CPZ: variants seen among roughly 807,000 people sequenced by gnomAD.
CPZ encodes the protein VEZT/CPZ fusion.
In CPZ, 103 loss-of-function variants were observed where a neutral mutation model predicts 61.8. The ratio of observed to expected loss-of-function variants is 1.67; its 90% CI spans 1.42 to 1.96. The LOEUF (loss-of-function observed/expected upper bound fraction) is 1.96, where lower values mean the gene tolerates loss of function less well. Among genes scored for constraint, CPZ ranks in the 30% most tolerant of loss-of-function variants. The pLI is 0.00. For missense variants in CPZ, 1,461 were observed against 914.9 expected, an observed-to-expected ratio of 1.60 and a Z score of -7.70; for synonymous variants, 551 against 373.7, an observed-to-expected ratio of 1.47 and a Z score of -5.47.
Position 8,601,366 on chromosome 4 carries a change from G to A in CPZ, c.365G>A (p.Cys122Tyr). The A allele has an allele frequency of 6.2e-7, 1 of 1,601,362 alleles. No homozygotes were observed. The highest frequency in any genetic ancestry group is 8.5e-7 in the Non-Finnish European group (1 of 1,171,910). The stretch of plus-strand genomic sequence containing the variant: ...GTGCGCAGACCCTGCCGGCACATCT[G>A]CGAGGGCCTGCGGGAGGTCTGCCAG... Reference protein sequence around the residue: ...GWVRRPCRHICEGLREVCQPA... With the variant: ...GWVRRPCRHIYEGLREVCQPA... Residue 122 changes from cysteine to tyrosine, a missense_variant, in exon 3 of 11, where the codon TGC (cysteine) becomes TAC (tyrosine). Cys to Tyr is a radical substitution (Grantham distance 194, BLOSUM62 -2). Transcript: ENST00000360986.
chr4:8,608,532 T>C (rs1274568224), intron 7 of CPZ, among the ~76,000 whole-genome samples: 2 of 151,932 alleles, frequency 1.3e-5, no homozygotes, highest in Non-Finnish European at 2.9e-5. Context: ...TCATTGGGAA[T>C]GCAAACGGGA....
chr4:8,612,205 G>GGGGGGGGGGGGGGGGGCC, intron 8 of CPZ, 43 bp downstream of exon 8: 1 of 202,856 alleles, frequency 4.9e-6, no homozygotes, highest in Non-Finnish European at 9.6e-6. Flanking sequence ...GGTGGGGGGT[G>GGGGGGGGGGGGGGGGGCC]CAGGGGCTGG....
At chr4:8,608,060 G>A (rs1350152598) in intron 7 of CPZ, among the ~76,000 whole-genome samples, 1 of 152,082 alleles carries the variant, frequency 6.6e-6, no homozygotes, top group African/African-American at 2.4e-5. Flanking sequence ...AGGGCGCGGA[G>A]TTGGTCCGTT....
rs28421391 is a variant in CPZ, at chr4:8,604,133, C to A, written c.654C>A (p.Asp218Glu). Residue 218 changes from aspartate (D) to glutamate (E), a missense_variant, in exon 4 of 11, where the codon GAC (aspartate) becomes GAA (glutamate). Physicochemically the swap from Asp to Glu is conservative, Grantham distance 45 (BLOSUM62 2). Transcript: ENST00000360986. Reference sequence around the variant, plus strand: ...CCTACAGCATCGGGCGCAGCTTCGACGGCAGGGAGCTGCTGGTCATCGAGT... The same window carrying A: ...CCTACAGCATCGGGCGCAGCTTCGAAGGCAGGGAGCTGCTGGTCATCGAGT... Reference protein sequence around the residue: ...ARTYSIGRSFDGRELLVIEFS... With the variant: ...ARTYSIGRSFEGRELLVIEFS... 12,677 of 1,591,682 alleles carry A rather than the reference C, an allele frequency of 8.0e-3. 85 individuals carry two copies. Among genetic ancestry groups the A allele is most frequent in the Middle Eastern group, 0.033 (195 of 5,854 alleles).
chr4:8,606,677 T>G, intron 5 of CPZ, 60 bp from the exon 6 acceptor site: 1 of 1,607,006 alleles, frequency 6.2e-7, no homozygotes, highest in East Asian at 2.2e-5. Context: ...GAGACCCATC[T>G]GGAAGGAGGA....
intron 9 of CPZ, among the ~76,000 whole-genome samples, 180 bp downstream of exon 9, chr4:8,614,678 T>C (rs1716014697): frequency 6.6e-6 from 1 of 152,208 alleles, no homozygotes; most frequent in Admixed American, 6.5e-5. Context: ...TAGCCGGCTC[T>C]CCTTTGCGTG....
intron 7 of CPZ, chr4:8,611,286 C>G (rs568885887): frequency 2.2e-6 from 1 of 456,268 alleles, no homozygotes; most frequent in Non-Finnish European, 4.4e-6. Context: ...CTGGGACTTA[C>G]AGACGGCCCA....
At chr4:8,608,365 G>A (rs1715232783) in intron 7 of CPZ, among the ~76,000 whole-genome samples, 2 of 152,176 alleles carry the variant, frequency 1.3e-5, no homozygotes, top group South Asian at 2.1e-4. Context: ...GACTGGCCCT[G>A]GGTGGGCAAG....
At chr4:8,615,130 G>A (rs1716054697) in intron 9 of CPZ, among the ~76,000 whole-genome samples, 1 of 152,116 alleles carries the variant, frequency 6.6e-6, no homozygotes, top group Non-Finnish European at 1.5e-5. Context: ...AGAGGCTGGG[G>A]GCGGGGCAGG....
Position 8,607,406 on chromosome 4 carries a change from C to T in CPZ, c.1208C>T (p.Ser403Phe), listed in dbSNP as rs781732929. 2 of 1,614,010 alleles carry T rather than the reference C, an allele frequency of 1.2e-6. No homozygotes were observed. Among genetic ancestry groups the T allele is most frequent in the Non-Finnish European group, 1.7e-6 (2 of 1,179,908 alleles). ...SKHPQEEKMF[S>F]PTPDEKMFKL... ...CACCCCCAGGAGGAGAAGATGTTTT[C>T]TCCCACGCCCGACGAGAAGGTGAGA... is the stretch of plus-strand genomic sequence containing the variant. The change falls in exon 7 of 11, where the codon TCT becomes TTT. Residue 403 changes from serine (S) to phenylalanine (F), a missense_variant. Coordinates refer to ENST00000360986, the MANE Select transcript of CPZ (RefSeq NM_001014447.3).
At chr4:8,596,504 G>C (rs921131026) in intron 1 of CPZ, among the ~76,000 whole-genome samples, 2 of 152,358 alleles carry the variant, frequency 1.3e-5, no homozygotes, top group Admixed American at 6.5e-5. Flanking sequence ...CCCCGATGGG[G>C]CTGCATGGCT....
At chr4:8,600,892 C>A (rs1010747320) in intron 2 of CPZ, 2 of 1,263,428 alleles carry the variant, frequency 1.6e-6, no homozygotes, top group Non-Finnish European at 1.0e-6. Context: ...CAGCCTGCTG[C>A]GGCTGGCTTG....
chr4:8,617,697 A>AC (rs1577131279), intron 9 of CPZ, among the ~76,000 whole-genome samples: 1 of 151,472 alleles, frequency 6.6e-6, no homozygotes, highest in East Asian at 1.9e-4. Context: ...CGCTGGACGG[A>AC]CTCCTCTCCC....
chr4:8,606,691 T>C lies in CPZ; in HGVS notation c.907-46T>C, dbSNP rs757535318. The stretch of plus-strand genomic sequence containing the variant: ...TGAGACCCATCTGGAAGGAGGAGGG[T>C]GGGGTGTGCTGACCCCACCCAGTCG... On this transcript the variant is annotated intron_variant, in intron 5 of 10. Transcript: ENST00000360986. 5.0e-6 allele frequency: 8 copies of C among 1,610,462 alleles called. No homozygotes were observed. The Admixed American group carries it at 1.3e-4, about 27-fold the overall frequency.
chr4:8,594,455 G>A (rs896426798), intron 1 of CPZ, among the ~76,000 whole-genome samples: 1 of 152,188 alleles, frequency 6.6e-6, no homozygotes, highest in Admixed American at 6.5e-5. Context: ...TAGGGTCTGG[G>A]ATTCAGATTC....
chr4:8,607,669 G>A (rs1429927930), intron 7 of CPZ, among the ~76,000 whole-genome samples: 2 of 152,282 alleles, frequency 1.3e-5, no homozygotes, highest in Admixed American at 6.5e-5. Context: ...TCTTTCACAT[G>A]TCCCCGTCTG....
chr4:8,609,339 A>ACT (rs1715442397), intron 7 of CPZ, among the ~76,000 whole-genome samples: 1 of 151,720 alleles, frequency 6.6e-6, no homozygotes, highest in African/African-American at 2.4e-5. Context: ...TTTTTCACTC[A>ACT]CTCATTCTCT....
At chr4:8,616,247 C>G (rs569665078) in intron 9 of CPZ, among the ~76,000 whole-genome samples, 68 of 152,302 alleles carry the variant, frequency 4.5e-4, no homozygotes, top group Middle Eastern at 3.4e-3. Flanking sequence ...TGATCCTGGC[C>G]AGGCCTCGGG....
At chr4:8,610,987 C>G (rs563728285) in intron 7 of CPZ, among the ~76,000 whole-genome samples, 25 of 150,786 alleles carry the variant, frequency 1.7e-4, no homozygotes, top group South Asian at 6.3e-4. Flanking sequence ...CACTCAGTCA[C>G]TCACTCTTTC....
Sources: gnomAD v4.1 joint callset for allele counts (sites outside exome capture counted in the v4.1 genomes callset) on GRCh38, gnomAD v4.1.1 for gene constraint, MANE v1.5 for transcripts, NCBI Gene and HGNC (gene_info 2026-07-23, HGNC 2026-07-21) for gene names.